The following PDGFRA variants were observed in gnomAD, a reference collection of about 807,000 sequenced individuals.
The protein encoded by PDGFRA is platelet-derived growth factor receptor alpha.
Under a neutral mutation model 121.5 loss-of-function variants are expected in PDGFRA, and 25 were observed. That is an observed-to-expected ratio of 0.21 (90% confidence interval 0.15 to 0.29). The LOEUF is 0.29. PDGFRA is among the 10% of genes least tolerant of loss of function. PDGFRA has a pLI of 1.00. For missense variants in PDGFRA, 1,008 were observed against 1,345.1 expected, an observed-to-expected ratio of 0.75 and a Z score of 3.92; for synonymous variants, 463 against 494.8, an observed-to-expected ratio of 0.94 and a Z score of 0.85.
At chr4:54,264,834 TAAAA>T in intron 4 of PDGFRA, 81 bp from the exon 5 acceptor site, 46 of 1,032,510 alleles carry the variant, frequency 4.5e-5, no homozygotes, top group African/African-American at 6.8e-5. Flanking sequence ...AGGGTTTTCT[TAAAA>T]AAAAAAAAAA....
At chr4:54,273,240 T>G (rs1281387419) in intron 9 of PDGFRA, among the ~76,000 whole-genome samples, 2 of 152,186 alleles carry the variant, frequency 1.3e-5, no homozygotes. Context: ...GAAGTTGAAC[T>G]GTTCAGTTTG....
At chr4:54,277,168 C>A (rs1723777841) in intron 12 of PDGFRA, 1 of 587,006 alleles carries the variant, frequency 1.7e-6, no homozygotes, top group Non-Finnish European at 3.1e-6. Context: ...TCTGTGTTTT[C>A]TTTCCCTTGC....
chr4:54,267,517 T>C (rs1723102188), intron 6 of PDGFRA, 35 bp from the exon 7 acceptor site: 4 of 1,613,574 alleles, frequency 2.5e-6, no homozygotes, highest in Non-Finnish European at 3.4e-6. Flanking sequence ...CCATATGTGG[T>C]AATCATTATT....
chr4:54,274,892 G>A lies in PDGFRA; in HGVS notation c.1705G>A (p.Gly569Arg). The A allele has an allele frequency of 6.2e-7, 1 of 1,613,514 alleles. No homozygotes were observed. The highest frequency in any genetic ancestry group is 1.1e-5 in the South Asian group (1 of 91,066). The change falls in exon 12 of 23, where the codon GGA (glycine) becomes AGA (arginine). Residue 569 changes from glycine to arginine, a missense_variant. Gly to Arg is a moderately radical substitution (Grantham distance 125). Around this residue, in one of 5 missense-constraint regions of PDGFRA, gnomAD observed 575 missense variants for 701.8 expected, o/e 0.82. Coordinates refer to ENST00000257290, the MANE Select transcript of PDGFRA (RefSeq NM_006206.6). Reference protein sequence around the residue: ...WRVIESISPDGHEYIYVDPMQ... With the variant: ...WRVIESISPDRHEYIYVDPMQ... ...GGTCATTGAATCAATCAGCCCAGAT[G>A]GACATGAATATATTTATGTGGACCC... is the stretch of plus-strand genomic sequence containing the variant.
chr4:54,251,778 C>T (rs947115612), intron 1 of PDGFRA, among the ~76,000 whole-genome samples: 1 of 152,104 alleles, frequency 6.6e-6, no homozygotes, highest in Non-Finnish European at 1.5e-5. Context: ...TATTTGCAGG[C>T]ACAGATAAAT....
intron 1 of PDGFRA, among the ~76,000 whole-genome samples, chr4:54,253,593 C>T (rs1722185243): frequency 6.6e-6 from 1 of 152,208 alleles, no homozygotes; most frequent in South Asian, 2.1e-4. Flanking sequence ...AAGTTCAACA[C>T]ATAGTTGGCA....
At chr4:54,274,069 T>C (rs890295869) in intron 10 of PDGFRA, among the ~76,000 whole-genome samples, 2 of 152,232 alleles carry the variant, frequency 1.3e-5, no homozygotes, top group Non-Finnish European at 2.9e-5. Flanking sequence ...CTACTTTGAA[T>C]GTCTGTGTAT....
At chr4:54,292,235 A>C (rs1223935879) in intron 22 of PDGFRA, among the ~76,000 whole-genome samples, 3 of 152,248 alleles carry the variant, frequency 2.0e-5, no homozygotes, top group Non-Finnish European at 4.4e-5. Flanking sequence ...TCACTGCTGC[A>C]CTGTTCACAA....
At chr4:54,248,506 T>C (rs969238855) in intron 1 of PDGFRA, among the ~76,000 whole-genome samples, 5 of 152,234 alleles carry the variant, frequency 3.3e-5, no homozygotes, top group African/African-American at 1.2e-4. Flanking sequence ...GAAAACTGGC[T>C]AGCCATATGT....
At chr4:54,249,318 T>C (rs1721903195) in intron 1 of PDGFRA, among the ~76,000 whole-genome samples, 1 of 152,192 alleles carries the variant, frequency 6.6e-6, no homozygotes, top group Non-Finnish European at 1.5e-5. Context: ...CATGCTGCTA[T>C]AAAGACACAT....
chr4:54,259,155 G>A (rs78773598), intron 2 of PDGFRA, among the ~76,000 whole-genome samples: 1,966 of 147,308 alleles, frequency 0.013, 53 homozygotes, highest in African/African-American at 0.051. Flanking sequence ...GATAAATTCA[G>A]GAATGGTCAG....
chr4:54,269,610 AT>A (rs796595119), intron 7 of PDGFRA, among the ~76,000 whole-genome samples: 1,298 of 123,114 alleles, frequency 0.011, 20 homozygotes, highest in African/African-American at 0.033. Flanking sequence ...AGAGACATAT[AT>A]TTTTTTTTTT....
chr4:54,235,753 C>T (rs545563763), intron 1 of PDGFRA, among the ~76,000 whole-genome samples: 63 of 152,254 alleles, frequency 4.1e-4, no homozygotes, highest in Non-Finnish European at 4.4e-4. Context: ...GTTGAAGGAG[C>T]CGATCTAAAA....
At chr4:54,286,509 A>G (rs1171279667) in intron 18 of PDGFRA, among the ~76,000 whole-genome samples, 1 of 151,938 alleles carries the variant, frequency 6.6e-6, no homozygotes, top group East Asian at 1.9e-4. Context: ...GGCATGCACC[A>G]CCATGTTCAG....
At chr4:54,253,716 G>A (rs1255647669) in intron 1 of PDGFRA, among the ~76,000 whole-genome samples, 4 of 152,046 alleles carry the variant, frequency 2.6e-5, no homozygotes, top group Admixed American at 2.0e-4. Flanking sequence ...ATGGAGCCTT[G>A]CTCTGTTGCC....
rs75680560 is a variant in PDGFRA, at chr4:54,236,263, G to C, written c.-13+6848G>C. Among the ~76,000 whole-genome samples the C allele has an allele frequency of 6.9e-3, 1,058 of 152,306 alleles. 9 individuals are homozygous for C. The highest frequency in any genetic ancestry group is 0.024 in the African/African-American group (997 of 41,558). On this transcript the variant is annotated intron_variant, in intron 1 of 22. Transcript: ENST00000257290. ...ATGTTTCTCAGAATTTGTAGTTTCA[G>C]TTACTTATATTTGCACACCTGACTT...
At chr4:54,230,796 T>C (rs1333879314) in intron 1 of PDGFRA, among the ~76,000 whole-genome samples, 1 of 152,180 alleles carries the variant, frequency 6.6e-6, no homozygotes. Flanking sequence ...GAGCCGTCTG[T>C]GCGTACTTCT....
intron 22 of PDGFRA, among the ~76,000 whole-genome samples, chr4:54,293,328 T>C (rs898764529): frequency 2.0e-5 from 3 of 152,176 alleles, no homozygotes; most frequent in Non-Finnish European, 2.9e-5. Flanking sequence ...GCAAACATGC[T>C]TCATAGATGG....
chr4:54,258,674 G>A lies in PDGFRA; in HGVS notation c.-12-83G>A, dbSNP rs1172644955. 3 of 865,522 alleles carry A rather than the reference G, an allele frequency of 3.5e-6. No individual in the cohort carries two copies. The African/African-American group carries it at 5.0e-5, about 14-fold the overall frequency. 53.6% of individuals were successfully genotyped at this position (865,522 alleles called of 1,614,324 possible). A position where few individuals can be genotyped will look rare whatever the true frequency, so the allele number is the denominator to read the frequency against. ...TAAAATGATGCTGTTAATATTTTCT[G>A]TTGTGCAAAACACAAAGAGAACTAG... On this transcript the variant is annotated intron_variant, in intron 1 of 22. Coordinates refer to ENST00000257290, the MANE Select transcript of PDGFRA (RefSeq NM_006206.6).
Sources: allele counts gnomAD v4.1 joint callset (sites outside exome capture counted in the v4.1 genomes callset), GRCh38; gene constraint gnomAD v4.1.1; regional missense constraint gnomAD v4.1.1; transcripts MANE v1.5; gene names NCBI Gene and HGNC (gene_info 2026-07-23, HGNC 2026-07-21).